The following MEOX2 variants were observed in gnomAD, a reference collection of about 807,000 sequenced individuals.
The protein encoded by MEOX2 is homeobox protein MOX-2.
A neutral mutation model predicts 27.0 loss-of-function variants in MEOX2; 11 were observed. The ratio of observed to expected loss-of-function variants is 0.41; its 90% CI spans 0.26 to 0.68. The LOEUF (loss-of-function observed/expected upper bound fraction) is 0.68. Among genes scored for constraint, MEOX2 ranks in the 30% least tolerant of loss-of-function variants. The pLI, the probability that MEOX2 is intolerant of heterozygous loss-of-function variation, is 0.33. For missense variants in MEOX2, 436 were observed against 385.4 expected (o/e 1.13, Z -1.10); for synonymous variants, 189 against 155.4 (o/e 1.22, Z -1.61).
At chr7:15,618,580 G>A (rs539447127) in intron 2 of MEOX2, among the ~76,000 whole-genome samples, 13 of 151,894 alleles carry the variant, frequency 8.6e-5, no homozygotes, top group African/African-American at 3.1e-4. Context: ...ATAACTTATC[G>A]AATATAAATA....
chr7:15,624,935 A>G (rs973912592), intron 2 of MEOX2, among the ~76,000 whole-genome samples: 7 of 152,180 alleles, frequency 4.6e-5, no homozygotes, highest in Admixed American at 2.6e-4. Flanking sequence ...AATATCCAAG[A>G]CACCTTCAAC....
chr7:15,656,987 T>C (rs1781831452), intron 1 of MEOX2, among the ~76,000 whole-genome samples: 1 of 152,122 alleles, frequency 6.6e-6, no homozygotes, highest in Non-Finnish European at 1.5e-5. Context: ...ACTGTTCTTT[T>C]CTTTCTGCAC....
At chr7:15,613,277 A>G (rs1781061487) in intron 2 of MEOX2, among the ~76,000 whole-genome samples, 2 of 152,082 alleles carry the variant, frequency 1.3e-5, no homozygotes, top group African/African-American at 2.4e-5. Flanking sequence ...CACCAAGATT[A>G]TATACTACAT....
At chr7:15,619,781 A>G (rs1179153335) in intron 2 of MEOX2, among the ~76,000 whole-genome samples, 1 of 152,022 alleles carries the variant, frequency 6.6e-6, no homozygotes, top group Admixed American at 6.6e-5. Flanking sequence ...CAATAAAGGT[A>G]ACGTTTATTT....
chr7:15,616,732 A>T (rs1350655401), intron 2 of MEOX2, among the ~76,000 whole-genome samples: 1 of 151,998 alleles, frequency 6.6e-6, no homozygotes, highest in Non-Finnish European at 1.5e-5. Flanking sequence ...TTTATAAACT[A>T]CACAGAGTAC....
intron 1 of MEOX2, among the ~76,000 whole-genome samples, chr7:15,650,940 G>A (rs1781723674): frequency 6.6e-6 from 1 of 151,938 alleles, no homozygotes; most frequent in Non-Finnish European, 1.5e-5. Flanking sequence ...TTGTCTAAAA[G>A]AGAAATGAGG....
rs560989717 is a variant in MEOX2, at chr7:15,616,092, G to A, written c.691-3481C>T. Among the ~76,000 whole-genome samples the A allele has an allele frequency of 1.7e-4, 26 of 151,742 alleles. No homozygotes were observed. In the South Asian group the frequency reaches 5.0e-3, roughly 29 times the overall value. On this transcript the variant is annotated intron_variant, in intron 2 of 2. Transcript: ENST00000262041. ...AAATAGATTGAAAAAAGACTGAATA[G>A]TTAATTGCCAACAGTAGCTACATGT...
intron 1 of MEOX2, among the ~76,000 whole-genome samples, chr7:15,670,301 A>C (rs1353625203): frequency 2.6e-5 from 4 of 152,214 alleles, no homozygotes; most frequent in East Asian, 1.9e-4. Context: ...TAGATGCAAG[A>C]ATTTATCCAT....
chr7:15,683,278 T>C (rs1366214893), intron 1 of MEOX2, among the ~76,000 whole-genome samples: 1 of 152,042 alleles, frequency 6.6e-6, no homozygotes, highest in East Asian at 1.9e-4. Context: ...ATTTTGGTCC[T>C]GACTTTACCC....
At chr7:15,662,254 A>C (rs1040886721) in intron 1 of MEOX2, among the ~76,000 whole-genome samples, 2 of 152,078 alleles carry the variant, frequency 1.3e-5, no homozygotes, top group African/African-American at 4.8e-5. Flanking sequence ...GTCTTCAAAT[A>C]AGAATGTAAT....
chr7:15,638,076 C>T (rs530868464), intron 1 of MEOX2, among the ~76,000 whole-genome samples: 63 of 152,008 alleles, frequency 4.1e-4, no homozygotes, highest in African/African-American at 1.5e-3. Context: ...TGAAATACAC[C>T]TTTATTTCAT....
chr7:15,674,005 A>G lies in MEOX2; in HGVS notation c.517+11881T>C, dbSNP rs926228848. Among the ~76,000 whole-genome samples, 29 of 152,104 alleles carry G rather than the reference A, an allele frequency of 1.9e-4. 1 individual carries two copies. Among genetic ancestry groups the G allele is most frequent in the African/African-American group, 6.8e-4 (28 of 41,430 alleles). On this transcript the variant is annotated intron_variant, in intron 1 of 2. Coordinates refer to ENST00000262041, the MANE Select transcript of MEOX2 (RefSeq NM_005924.5). ...TATATGTGTATGTGTATATAGATAG[A>G]TAGATGATAGACAGATAGATATAAT...
At chr7:15,681,724 T>A (rs148253668) in intron 1 of MEOX2, 1 of 151,712 alleles carries the variant, frequency 6.6e-6, no homozygotes, top group African/African-American at 2.4e-5. Flanking sequence ...TTAGTAAAGA[T>A]CAGCTTATAA....
chr7:15,639,461 G>A (rs926181672), intron 1 of MEOX2, among the ~76,000 whole-genome samples: 1 of 151,942 alleles, frequency 6.6e-6, no homozygotes, highest in Non-Finnish European at 1.5e-5. Flanking sequence ...GTCTTTTGCT[G>A]TGCAGAAGCT....
Position 15,611,977 on chromosome 7 carries a change from T to C in MEOX2, c.*410A>G, listed in dbSNP as rs892129944. ...CAAGCAAAAGCAAATACCTGCCCACTGTAATACACATGATCTCACACATCT... is the reference window on the plus strand; with the variant it reads ...CAAGCAAAAGCAAATACCTGCCCACCGTAATACACATGATCTCACACATCT... On this transcript the variant is annotated 3_prime_UTR_variant, in exon 3 of 3. Coordinates refer to ENST00000262041, the MANE Select transcript of MEOX2 (RefSeq NM_005924.5). 2.7e-5 allele frequency: 5 copies of C among 186,474 alleles called. No homozygotes were observed. The South Asian group carries it at 5.9e-4, about 22-fold the overall frequency. 11.6% of individuals were successfully genotyped at this position (186,474 alleles called of 1,614,324 possible). A position where few individuals can be genotyped will look rare whatever the true frequency, so the allele number is the denominator to read the frequency against.
In MEOX2 at chr7:15,646,006, G is replaced by A. The variant is rs116148055; in HGVS notation, c.518-19088C>T. Among the ~76,000 whole-genome samples, 919 of 152,174 alleles carry A rather than the reference G, an allele frequency of 6.0e-3. 14 individuals are homozygous for A. The highest frequency in any genetic ancestry group is 0.021 in the African/African-American group (861 of 41,546). On this transcript the variant is annotated intron_variant, in intron 1 of 2. Coordinates refer to ENST00000262041, the MANE Select transcript of MEOX2 (RefSeq NM_005924.5). The stretch of plus-strand genomic sequence containing the variant: ...CCTAATACTCAAAATTAAGAAGAAT[G>A]TTTATGTGATAATATGTAAGTTAGT...
intron 1 of MEOX2, chr7:15,680,341 T>G (rs1354964095): frequency 6.6e-6 from 1 of 152,004 alleles, no homozygotes; most frequent in African/African-American, 2.4e-5. Context: ...ATTTTTATAA[T>G]GTAAGTAAAA....
rs115785926 is a variant in MEOX2 at position 15,647,417 on chromosome 7, C to G, written c.518-20499G>C. On this transcript the variant is annotated intron_variant, in intron 1 of 2. Transcript: ENST00000262041. The stretch of plus-strand genomic sequence containing the variant: ...GCTGCAAGCTACATTTTAGTAAATT[C>G]TCTAGCTAAGCTCAACAAGCATTAA... Among the ~76,000 whole-genome samples, 645 of 152,176 alleles carry G rather than the reference C, an allele frequency of 4.2e-3. 6 individuals are homozygous for G. Among genetic ancestry groups the G allele is most frequent in the African/African-American group, 0.015 (611 of 41,560 alleles).
At chr7:15,614,071 G>C (rs1050063687) in intron 2 of MEOX2, among the ~76,000 whole-genome samples, 15 of 150,470 alleles carry the variant, frequency 1.0e-4, no homozygotes, top group Admixed American at 2.6e-4. Context: ...TTTATGACTA[G>C]TGTTTTGTGT....
Sources: gnomAD v4.1 joint callset for allele counts (sites outside exome capture counted in the v4.1 genomes callset) on GRCh38, gnomAD v4.1.1 for gene constraint, MANE v1.5 for transcripts, NCBI Gene and HGNC (gene_info 2026-07-23, HGNC 2026-07-21) for gene names.